Variants in FHIP1A observed in about 807,000 individuals in gnomAD.
The protein encoded by FHIP1A is FHF complex subunit HOOK-interacting protein 1A.
A neutral mutation model predicts 88.6 loss-of-function variants in FHIP1A; 61 were observed. That is an observed-to-expected ratio of 0.69 (90% CI 0.56 to 0.85). The LOEUF (loss-of-function observed/expected upper bound fraction) is 0.85, where lower values mean the gene tolerates loss of function less well. Among genes scored for constraint, FHIP1A ranks in the 40% least tolerant of loss-of-function variants. FHIP1A has a pLI of 0.00. For missense variants in FHIP1A, 1,154 were observed against 1,273.5 expected (o/e 0.91, Z 1.43); for synonymous variants, 478 against 496.0 (o/e 0.96, Z 0.48).
intron 8 of FHIP1A, among the ~76,000 whole-genome samples, chr4:151,630,484 GA>G (rs1736116193): frequency 6.6e-6 from 1 of 152,106 alleles, no homozygotes; most frequent in Non-Finnish European, 1.5e-5. Context: ...ACAAAGGGGG[GA>G]AGAGGGAATA....
rs76687889 is a variant in FHIP1A, at chr4:151,489,717, C to T, written c.-123+7069C>T. Among the ~76,000 whole-genome samples the T allele has an allele frequency of 5.3e-3, 812 of 152,186 alleles. 7 individuals carry two copies. Among genetic ancestry groups the T allele is most frequent in the African/African-American group, 0.019 (790 of 41,490 alleles). ...CCGACTTTCCCCGCTTCCCTGATGA[C>T]CTGTAGGGTGCAGCAGAGGCAGGCA... is the stretch of plus-strand genomic sequence containing the variant. On this transcript the variant is annotated intron_variant, in intron 3 of 13. Transcript: ENST00000435205.
intron 13 of FHIP1A, among the ~76,000 whole-genome samples, chr4:151,661,946 C>T (rs189690120): frequency 9.8e-5 from 15 of 152,304 alleles, no homozygotes; most frequent in East Asian, 5.8e-4. Context: ...TTATGTAAAA[C>T]GTTGGAGGTC....
rs11940735 is a variant in FHIP1A at position 151,650,373 on chromosome 4, G to T, written c.2332G>T (p.Asp778Tyr). 2,093 of 1,551,726 alleles carry T rather than the reference G, an allele frequency of 1.3e-3. 15 individuals carry two copies. The African/African-American group carries it at 0.021, about 16-fold the overall frequency. Residue 778 changes from aspartate to tyrosine, a missense_variant, in exon 11 of 14, where the codon GAT (aspartate) becomes TAT (tyrosine). Coordinates refer to ENST00000435205, the MANE Select transcript of FHIP1A (RefSeq NM_001109977.3). Reference protein sequence around the residue: ...GLMEQNYPTPDPLLLTKEEEG... With the variant: ...GLMEQNYPTPYPLLLTKEEEG... Reference sequence around the variant, plus strand: ...GATGGAACAGAATTACCCCACACCTGATCCCTTGCTTCTCACTAAGGAGGA... The same window carrying T: ...GATGGAACAGAATTACCCCACACCTTATCCCTTGCTTCTCACTAAGGAGGA...
intron 7 of FHIP1A, among the ~76,000 whole-genome samples, chr4:151,601,253 G>C (rs1734855658): frequency 6.6e-6 from 1 of 152,082 alleles, no homozygotes; most frequent in East Asian, 1.9e-4. Context: ...AAAGCATATG[G>C]AAGGGAACCA....
intron 5 of FHIP1A, among the ~76,000 whole-genome samples, 164 bp downstream of exon 5, chr4:151,578,240 A>C (rs1283913413): frequency 1.3e-5 from 2 of 152,204 alleles, no homozygotes. Context: ...AGACGAATCT[A>C]AGTTGAGACG....
At chr4:151,447,573 T>TA (rs1410464932) in intron 1 of FHIP1A, among the ~76,000 whole-genome samples, 1 of 152,154 alleles carries the variant, frequency 6.6e-6, no homozygotes, top group Non-Finnish European at 1.5e-5. Context: ...TGTTTATTTT[T>TA]AAAAAATTGT....
chr4:151,631,221 G>A (rs180856676), intron 8 of FHIP1A, among the ~76,000 whole-genome samples: 1 of 151,926 alleles, frequency 6.6e-6, no homozygotes, highest in African/African-American at 2.4e-5. Flanking sequence ...TCTTTGACAA[G>A]ATTCACAAAC....
intron 1 of FHIP1A, among the ~76,000 whole-genome samples, chr4:151,450,799 A>G (rs1389253331): frequency 6.6e-6 from 1 of 151,058 alleles, no homozygotes; most frequent in Non-Finnish European, 1.5e-5. Flanking sequence ...TTTTTCTGAG[A>G]CAGAGTTTCG....
Position 151,650,476 on chromosome 4 carries a change from ACT to A in FHIP1A, c.2438_2439del (p.Ser813PhefsTer20). On this transcript the variant is annotated frameshift_variant, in exon 11 of 14. Transcript: ENST00000435205. LOFTEE classifies it high-confidence loss of function. Reference sequence around the variant, plus strand: ...CTAGAAGATGAGGAGGATGACTTTGACTCTTTTATAGCGGAGATGCCTGCTGT... The same window carrying A: ...CTAGAAGATGAGGAGGATGACTTTGACTTTTATAGCGGAGATGCCTGCTGT... The A allele has an allele frequency of 6.4e-7, 1 of 1,551,304 alleles. No homozygotes were observed. Among genetic ancestry groups the A allele is most frequent in the Admixed American group, 2.0e-5 (1 of 50,964 alleles).
intron 9 of FHIP1A, among the ~76,000 whole-genome samples, chr4:151,641,171 G>A (rs562192580): frequency 1.6e-4 from 24 of 152,260 alleles, no homozygotes; most frequent in African/African-American, 5.5e-4. Context: ...TAATATAGTT[G>A]CTCTTAATTG....
intron 3 of FHIP1A, among the ~76,000 whole-genome samples, chr4:151,530,368 A>G (rs1320935693): frequency 6.6e-6 from 1 of 152,118 alleles, no homozygotes; most frequent in Non-Finnish European, 1.5e-5. Flanking sequence ...TAGGCATACG[A>G]TTCATATTGG....
intron 3 of FHIP1A, among the ~76,000 whole-genome samples, chr4:151,526,832 T>A (rs1181622416): frequency 6.8e-6 from 1 of 146,090 alleles, no homozygotes; most frequent in Non-Finnish European, 1.5e-5. Context: ...GCAGAGGGTC[T>A]CCTCACCTCT....
At chr4:151,512,036 C>T (rs1325748471) in intron 3 of FHIP1A, among the ~76,000 whole-genome samples, 8 of 152,214 alleles carry the variant, frequency 5.3e-5, no homozygotes, top group Non-Finnish European at 1.0e-4. Flanking sequence ...GGAGGCACCC[C>T]CTAGTAGGGG....
chr4:151,649,706 G>A lies in FHIP1A; in HGVS notation c.1665G>A (p.Pro555=), dbSNP rs181059274. The change falls in exon 11 of 14, where the codon CCG becomes CCA. Residue 555 remains proline (P), a synonymous_variant. Transcript: ENST00000435205. ...CGGCCTGCCCTGTGTTCGGGCTCCCGCAACAACTCCCCAGGAAGACAGGAC... is the reference window on the plus strand; with the variant it reads ...CGGCCTGCCCTGTGTTCGGGCTCCCACAACAACTCCCCAGGAAGACAGGAC... The part of the protein sequence containing the change: ...VSSACPVFGL[P]QQLPRKTGPQ... 1.5e-5 allele frequency: 24 copies of A among 1,551,484 alleles called. No individual in the cohort carries two copies. Among genetic ancestry groups the A allele is most frequent in the African/African-American group, 8.2e-5 (6 of 73,092 alleles).
chr4:151,518,443 G>C (rs1474409111), intron 3 of FHIP1A, among the ~76,000 whole-genome samples: 2 of 151,994 alleles, frequency 1.3e-5, no homozygotes, highest in African/African-American at 4.8e-5. Context: ...AACAACATAT[G>C]ACTATATGTT....
At chr4:151,528,233 C>T (rs556923603) in intron 3 of FHIP1A, among the ~76,000 whole-genome samples, 5 of 152,254 alleles carry the variant, frequency 3.3e-5, no homozygotes, top group African/African-American at 1.2e-4. Flanking sequence ...TATGCCTTGG[C>T]CTGTTAGAGT....
intron 3 of FHIP1A, among the ~76,000 whole-genome samples, chr4:151,511,833 C>T (rs929331431): frequency 3.3e-5 from 5 of 152,262 alleles, no homozygotes; most frequent in African/African-American, 1.2e-4. Context: ...CTGCCTGCCT[C>T]TGTAGGCTCC....
rs1728291959 is a variant in FHIP1A, at chr4:151,438,555, T to G, written c.-355-16146T>G. Among the ~76,000 whole-genome samples the G allele has an allele frequency of 2.0e-5, 3 of 151,310 alleles. No homozygotes were observed. In the South Asian group the frequency reaches 6.2e-4, roughly 31 times the overall value. ...AACAAAAAAATCTACCTCACCAGAA[T>G]TATTTATTTATTTATATTAGATTGG... On this transcript the variant is annotated intron_variant, in intron 1 of 13. Coordinates refer to ENST00000435205, the MANE Select transcript of FHIP1A (RefSeq NM_001109977.3).
chr4:151,440,547 A>G (rs75103054), intron 1 of FHIP1A, among the ~76,000 whole-genome samples: 9,814 of 152,164 alleles, frequency 0.064, 453 homozygotes, highest in Non-Finnish European at 0.1. Flanking sequence ...GTCAAGAGCA[A>G]ACTCCTAGAG....
Sources: allele counts gnomAD v4.1 joint callset (sites outside exome capture counted in the v4.1 genomes callset), GRCh38; gene constraint gnomAD v4.1.1; transcripts MANE v1.5; gene names NCBI Gene and HGNC (gene_info 2026-07-23, HGNC 2026-07-21).